The following JAM3 variants were observed in gnomAD, a reference collection of about 807,000 sequenced individuals.
JAM3 encodes junctional adhesion molecule C.
JAM3 carries 31 observed loss-of-function variants against 39.4 expected under a neutral mutation model. That is an observed-to-expected ratio of 0.79 (90% CI 0.59 to 1.06). The LOEUF (loss-of-function observed/expected upper bound fraction) is 1.06. JAM3 is among the 50% of genes least tolerant of loss of function. The pLI is 0.00. For synonymous variants in JAM3, 182 were observed against 148.7 expected (o/e 1.22, Z -1.63); for missense variants, 455 against 391.4 (o/e 1.16, Z -1.37).
At chr11:134,147,440 A>G (rs1298426749) in intron 6 of JAM3, among the ~76,000 whole-genome samples, 2 of 124,074 alleles carry the variant, frequency 1.6e-5, no homozygotes, top group Non-Finnish European at 3.2e-5. Context: ...GGTGACGGTG[A>G]CGGAGCAAGA....
At chr11:134,138,682 A>G (rs1591804881) in intron 1 of JAM3, among the ~76,000 whole-genome samples, 1 of 152,260 alleles carries the variant, frequency 6.6e-6, no homozygotes, top group African/African-American at 2.4e-5. Flanking sequence ...TTATCCAAAC[A>G]AAATAACATT....
At chr11:134,114,700 C>T (rs139345496) in intron 1 of JAM3, among the ~76,000 whole-genome samples, 36 of 152,258 alleles carry the variant, frequency 2.4e-4, no homozygotes, top group African/African-American at 8.7e-4. Context: ...TCACTGTGGT[C>T]AGAAAACAAA....
chr11:134,139,446 C>T lies in JAM3; in HGVS notation c.77-405C>T, dbSNP rs769758752. 4.1e-4 allele frequency among the ~76,000 whole-genome samples: 63 copies of T among 152,034 alleles called. 1 individual carries two copies. Among genetic ancestry groups the T allele is most frequent in the Admixed American group, 1.8e-3 (27 of 15,276 alleles). On this transcript the variant is annotated intron_variant, in intron 1 of 8. Transcript: ENST00000299106. ...CAGCCCAAGAGTCTGGCCCATATCACGTGCCACTGAGGGTGCCTGTGCAGG... is the reference window on the plus strand; with the variant it reads ...CAGCCCAAGAGTCTGGCCCATATCATGTGCCACTGAGGGTGCCTGTGCAGG...
At chr11:134,139,291 T>C (rs578183201) in intron 1 of JAM3, among the ~76,000 whole-genome samples, 138 of 152,362 alleles carry the variant, frequency 9.1e-4, no homozygotes, top group African/African-American at 3.1e-3. Flanking sequence ...ATTTTTCTCA[T>C]TTCAACAAAG....
intron 6 of JAM3, among the ~76,000 whole-genome samples, chr11:134,146,674 T>A (rs1012670659): frequency 3.3e-5 from 5 of 151,874 alleles, no homozygotes; most frequent in African/African-American, 1.2e-4. Context: ...TTCAAGCCAT[T>A]CTCCCACCTC....
At chr11:134,135,696 A>C (rs1390801583) in intron 1 of JAM3, among the ~76,000 whole-genome samples, 1 of 151,816 alleles carries the variant, frequency 6.6e-6, no homozygotes, top group Non-Finnish European at 1.5e-5. Flanking sequence ...ATGCCCGGCT[A>C]ATAGATTTTT....
chr11:134,148,534 T>A lies in JAM3; in HGVS notation c.713-13T>A, dbSNP rs1350746299. The A allele has an allele frequency of 1.9e-6, 3 of 1,614,058 alleles. No individual in the cohort carries two copies. Among genetic ancestry groups the A allele is most frequent in the Non-Finnish European group, 2.5e-6 (3 of 1,180,036 alleles). ...TGTGTATCATGGCTTCCACCAAACC[T>A]CCTTTTCTTCAGATGACCTGAACAT... On this transcript the variant is annotated splice_polypyrimidine_tract_variant and intron_variant, in intron 6 of 8. Coordinates refer to ENST00000299106, the MANE Select transcript of JAM3 (RefSeq NM_032801.5).
intron 1 of JAM3, among the ~76,000 whole-genome samples, chr11:134,119,120 TCCG>T (rs1311442797): frequency 6.6e-6 from 1 of 152,020 alleles, no homozygotes. Context: ...GAGACAGAGT[TCCG>T]CCATGTTGGC....
At chr11:134,121,092 G>C (rs1291244510) in intron 1 of JAM3, among the ~76,000 whole-genome samples, 1 of 152,146 alleles carries the variant, frequency 6.6e-6, no homozygotes, top group African/African-American at 2.4e-5. Flanking sequence ...CGTCACTCCA[G>C]AGGCTGGGGA....
intron 1 of JAM3, among the ~76,000 whole-genome samples, chr11:134,106,642 G>GA (rs1198286322): frequency 6.6e-6 from 1 of 150,802 alleles, no homozygotes; most frequent in Non-Finnish European, 1.5e-5. Context: ...AAATTTACAA[G>GA]AAAAAAACCT....
chr11:134,083,148 C>G (rs1474949174), intron 1 of JAM3, among the ~76,000 whole-genome samples: 2 of 152,158 alleles, frequency 1.3e-5, no homozygotes, highest in African/African-American at 4.8e-5. Flanking sequence ...ATGCTTACTT[C>G]TGTGATTTTC....
chr11:134,115,358 G>A (rs901897501), intron 1 of JAM3, among the ~76,000 whole-genome samples: 6 of 152,000 alleles, frequency 3.9e-5, no homozygotes, highest in Admixed American at 6.5e-5. Flanking sequence ...TTTACATTGC[G>A]TTTACTGATA....
chr11:134,100,432 C>A (rs1181662541), intron 1 of JAM3, among the ~76,000 whole-genome samples: 1 of 152,168 alleles, frequency 6.6e-6, no homozygotes, highest in Non-Finnish European at 1.5e-5. Flanking sequence ...GAGGAAAATC[C>A]CTTGGGGAGC....
intron 1 of JAM3, among the ~76,000 whole-genome samples, chr11:134,133,027 TAAG>T (rs1300276999): frequency 1.3e-5 from 2 of 152,236 alleles, no homozygotes; most frequent in African/African-American, 2.4e-5. Context: ...CTGACAAATC[TAAG>T]AAGAGTTGAT....
At chr11:134,069,833 G>C (rs973035837) in intron 1 of JAM3, among the ~76,000 whole-genome samples, 5 of 152,172 alleles carry the variant, frequency 3.3e-5, no homozygotes, top group African/African-American at 1.2e-4. Flanking sequence ...CATTTGACTC[G>C]ACACAAAGGA....
At chr11:134,081,553 C>T (rs1273989187) in intron 1 of JAM3, among the ~76,000 whole-genome samples, 1 of 152,230 alleles carries the variant, frequency 6.6e-6, no homozygotes, top group Non-Finnish European at 1.5e-5. Flanking sequence ...GGTGTTGAGC[C>T]TGCGAGTGCA....
At chr11:134,105,533 A>G (rs2120701197) in intron 1 of JAM3, among the ~76,000 whole-genome samples, 1 of 152,288 alleles carries the variant, frequency 6.6e-6, no homozygotes, top group Admixed American at 6.5e-5. Flanking sequence ...AATAAAGGGT[A>G]TTCAATTAGG....
chr11:134,102,709 T>G (rs2120688571), intron 1 of JAM3, among the ~76,000 whole-genome samples: 1 of 152,324 alleles, frequency 6.6e-6, no homozygotes, highest in South Asian at 2.1e-4. Context: ...GAGAACTACG[T>G]GACGAATGCA....
At chr11:134,121,290 CTG>C (rs1175610626) in intron 1 of JAM3, among the ~76,000 whole-genome samples, 2 of 152,224 alleles carry the variant, frequency 1.3e-5, no homozygotes, top group African/African-American at 4.8e-5. Flanking sequence ...AAATAAGAAA[CTG>C]CAGTTGTTGT....
Sources: gnomAD v4.1 joint callset for allele counts (sites outside exome capture counted in the v4.1 genomes callset) on GRCh38, gnomAD v4.1.1 for gene constraint, MANE v1.5 for transcripts, NCBI Gene and HGNC (gene_info 2026-07-23, HGNC 2026-07-21) for gene names.